The following LRP1B variants were observed in gnomAD, a reference collection of about 807,000 sequenced individuals.
LRP1B encodes the protein low-density lipoprotein receptor-related protein 1B.
A neutral mutation model predicts 556.6 loss-of-function variants in LRP1B; 217 were observed. The ratio of observed to expected loss-of-function variants is 0.39; its 90% CI spans 0.35 to 0.44. The LOEUF (loss-of-function observed/expected upper bound fraction) is 0.44, where lower values mean the gene tolerates loss of function less well. Among genes scored for constraint, LRP1B ranks in the 20% least tolerant of loss-of-function variants. The pLI is 1.00. For missense variants in LRP1B, 5,053 were observed against 5,620.8 expected (o/e 0.90, Z 3.23); for synonymous variants, 2,047 against 1,865.8 (o/e 1.10, Z -2.50).
At chr2:140,747,167 G>A (rs1227956589) in intron 35 of LRP1B, among the ~76,000 whole-genome samples, 1 of 152,100 alleles carries the variant, frequency 6.6e-6, no homozygotes, top group East Asian at 1.9e-4. Flanking sequence ...TGCATTATAG[G>A]CAATGCTAGG....
intron 2 of LRP1B, among the ~76,000 whole-genome samples, chr2:141,600,688 A>C (rs1017240622): frequency 1.3e-5 from 2 of 152,228 alleles, no homozygotes; most frequent in Admixed American, 6.5e-5. Flanking sequence ...CCATAAAATA[A>C]GAAAAATTTC....
chr2:141,590,942 T>C (rs1335713634), intron 2 of LRP1B, among the ~76,000 whole-genome samples: 3 of 152,132 alleles, frequency 2.0e-5, no homozygotes, highest in Non-Finnish European at 4.4e-5. Context: ...CACAAACATA[T>C]CTTTTTTAAA....
chr2:141,520,354 G>T (rs1248661402), intron 2 of LRP1B, among the ~76,000 whole-genome samples: 1 of 152,106 alleles, frequency 6.6e-6, no homozygotes, highest in Non-Finnish European at 1.5e-5. Context: ...CCATTTCCTT[G>T]TAAAACAAAA....
chr2:141,662,973 G>T (rs943038967), intron 2 of LRP1B, among the ~76,000 whole-genome samples: 1 of 145,712 alleles, frequency 6.9e-6, no homozygotes, highest in African/African-American at 2.5e-5. Context: ...TAAAAAAAAA[G>T]AAATAATAAC....
chr2:140,942,225 C>T lies in LRP1B; in HGVS notation c.3136+8010G>A, dbSNP rs114271597. Among the ~76,000 whole-genome samples the T allele has an allele frequency of 5.3e-3, 803 of 152,142 alleles. 8 individuals are homozygous for T. Among genetic ancestry groups the T allele is most frequent in the African/African-American group, 0.018 (759 of 41,536 alleles). ...CAATGGCCAATTTTTTCAATCAACG[C>T]AGTCACGCAAAAATAAAGAAAAATA... On this transcript the variant is annotated intron_variant, in intron 20 of 90. Transcript: ENST00000389484.
chr2:141,301,007 G>C (rs1054424774), intron 3 of LRP1B, among the ~76,000 whole-genome samples: 1 of 152,134 alleles, frequency 6.6e-6, no homozygotes, highest in Non-Finnish European at 1.5e-5. Flanking sequence ...AGAAGTCAGA[G>C]AGGAAGAATG....
At chr2:141,181,703 C>T (rs1681002973) in intron 7 of LRP1B, among the ~76,000 whole-genome samples, 1 of 151,764 alleles carries the variant, frequency 6.6e-6, no homozygotes, top group South Asian at 2.1e-4. Flanking sequence ...GCATATAAAC[C>T]ACTCCAAGTT....
At chr2:141,902,838 A>C (rs1312171231) in intron 1 of LRP1B, among the ~76,000 whole-genome samples, 1 of 152,020 alleles carries the variant, frequency 6.6e-6, no homozygotes, top group Admixed American at 6.6e-5. Context: ...TGCAGTAACT[A>C]TAGCAATTGT....
At chr2:141,335,306 G>T (rs747413823) in intron 3 of LRP1B, among the ~76,000 whole-genome samples, 1 of 152,180 alleles carries the variant, frequency 6.6e-6, no homozygotes, top group Non-Finnish European at 1.5e-5. Flanking sequence ...AAAGAGTTCA[G>T]TTATTCTGAA....
intron 31 of LRP1B, among the ~76,000 whole-genome samples, chr2:140,837,811 G>A (rs1043787843): frequency 2.0e-5 from 3 of 149,332 alleles, no homozygotes; most frequent in African/African-American, 4.9e-5. Context: ...GGGGAGGGGG[G>A]AAGGATAACA....
At chr2:141,210,714 G>A (rs2105250813) in intron 6 of LRP1B, among the ~76,000 whole-genome samples, 1 of 152,204 alleles carries the variant, frequency 6.6e-6, no homozygotes, top group Admixed American at 6.5e-5. Flanking sequence ...CTAACTTTGA[G>A]AATAATGATT....
intron 7 of LRP1B, among the ~76,000 whole-genome samples, chr2:141,068,300 G>A (rs1699536780): frequency 6.6e-6 from 1 of 151,860 alleles, no homozygotes; most frequent in Admixed American, 6.6e-5. Flanking sequence ...AAAGAGAAAG[G>A]AAAATAGTTC....
At chr2:140,721,308 G>T (rs987597242) in intron 35 of LRP1B, among the ~76,000 whole-genome samples, 1 of 152,028 alleles carries the variant, frequency 6.6e-6, no homozygotes, top group Non-Finnish European at 1.5e-5. Context: ...CCCAGAACAT[G>T]CTACTCGTGG....
intron 2 of LRP1B, among the ~76,000 whole-genome samples, chr2:141,733,406 C>T (rs780932869): frequency 4.6e-5 from 7 of 152,170 alleles, no homozygotes; most frequent in East Asian, 3.9e-4. Flanking sequence ...GGATAAACTT[C>T]GCTCGGGTTT....
intron 66 of LRP1B, among the ~76,000 whole-genome samples, chr2:140,399,164 T>TACACACACACACAC (rs67690255): frequency 2.4e-5 from 3 of 122,462 alleles, no homozygotes; most frequent in East Asian, 4.0e-4. Context: ...AAGACCAAGA[T>TACACACACACACAC]ACACACACAC....
Position 141,921,215 on chromosome 2 carries a change from G to A in LRP1B, c.83-110814C>T, listed in dbSNP as rs535987946. On this transcript the variant is annotated intron_variant, in intron 1 of 90. Transcript: ENST00000389484. ...TCAGTAAAAGAAACTGCATTTTAACGGCATGCTTTATGTACATGAATATTT... is the reference window on the plus strand; with the variant it reads ...TCAGTAAAAGAAACTGCATTTTAACAGCATGCTTTATGTACATGAATATTT... Among the ~76,000 whole-genome samples the A allele has an allele frequency of 9.2e-4, 140 of 151,902 alleles. 1 individual carries two copies. The highest frequency in any genetic ancestry group is 8.3e-4 in the South Asian group (4 of 4,810).
At position 141,276,661 on chromosome 2, in the gene LRP1B, T is replaced by TCTTTC. The variant is rs1553486483; in HGVS notation, c.344-22021_344-22020insGAAAG. Among the ~76,000 whole-genome samples, 5 of 103,328 alleles carry TCTTTC rather than the reference T, an allele frequency of 4.8e-5. No homozygotes were observed. In the East Asian group the frequency reaches 9.3e-4, roughly 19 times the overall value. The allele number at this position is 103,328 out of a possible 152,430, so 67.8% of individuals were successfully genotyped here. A position where few individuals can be genotyped will look rare whatever the true frequency, so the allele number is the denominator to read the frequency against. ...TTTTTTCTTTCTTTCTTTCTTTCTT[T>TCTTTC]TTTTTTTTTTTTTGAGACAGAGTGT... On this transcript the variant is annotated intron_variant, in intron 3 of 90. Coordinates refer to ENST00000389484, the MANE Select transcript of LRP1B (RefSeq NM_018557.3).
chr2:140,752,616 C>G (rs762385116), intron 35 of LRP1B, among the ~76,000 whole-genome samples: 4 of 152,134 alleles, frequency 2.6e-5, no homozygotes, highest in Admixed American at 6.6e-5. Flanking sequence ...TGAGCCACCA[C>G]GCCCAGGCAA....
At chr2:141,022,024 C>G (rs187688450) in intron 11 of LRP1B, among the ~76,000 whole-genome samples, 249 of 151,750 alleles carry the variant, frequency 1.6e-3, no homozygotes, top group Non-Finnish European at 2.8e-3. Flanking sequence ...TTTTGTTTTT[C>G]ACCTTTAAAA....
Sources: allele counts gnomAD v4.1 joint callset (sites outside exome capture counted in the v4.1 genomes callset), GRCh38; gene constraint gnomAD v4.1.1; transcripts MANE v1.5; gene names NCBI Gene and HGNC (gene_info 2026-07-23, HGNC 2026-07-21).